NR5A2: variants seen among roughly 807,000 people sequenced by gnomAD.
NR5A2 encodes nuclear receptor subfamily 5 group A member 2, also known as CYP7A promoter-binding factor.
A neutral mutation model predicts 62.7 loss-of-function variants in NR5A2; 26 were observed. The observed-to-expected ratio is 0.41, with a 90% CI of 0.30 to 0.58. NR5A2 has a LOEUF of 0.58. Ranked by LOEUF, NR5A2 falls within the 20% of genes least tolerant of loss-of-function variation. The probability of loss-of-function intolerance (pLI) is 0.22; values close to 1 mark genes in which losing one functional copy is unlikely to be tolerated. For synonymous variants in NR5A2, 246 were observed against 241.7 expected, an observed-to-expected ratio of 1.02 and a Z score of -0.16; for missense variants, 541 against 669.1, an observed-to-expected ratio of 0.81 and a Z score of 2.11.
intron 5 of NR5A2, among the ~76,000 whole-genome samples, chr1:200,049,865 T>C (rs760243685): frequency 1.2e-4 from 18 of 152,210 alleles, no homozygotes; most frequent in Non-Finnish European, 1.3e-4. Flanking sequence ...TGTAAGTAGA[T>C]GGTCTGGGGA....
At chr1:200,064,973 T>A (rs1663401061) in intron 5 of NR5A2, among the ~76,000 whole-genome samples, 1 of 152,074 alleles carries the variant, frequency 6.6e-6, no homozygotes, top group Non-Finnish European at 1.5e-5. Flanking sequence ...ATTGTAGATA[T>A]GGGGCCTAGC....
intron 7 of NR5A2, among the ~76,000 whole-genome samples, chr1:200,141,197 T>C (rs1397109330): frequency 6.6e-6 from 1 of 152,180 alleles, no homozygotes; most frequent in Non-Finnish European, 1.5e-5. Context: ...AGGTTCATGT[T>C]ACTACCAACA....
intron 5 of NR5A2, among the ~76,000 whole-genome samples, chr1:200,066,803 A>G (rs2821389): frequency 0.35 from 53,451 of 151,492 alleles, 10,866 homozygotes; most frequent in African/African-American, 0.57. Context: ...GGTCAGGGTG[A>G]TCTCGAACTT....
At chr1:200,112,461 TC>T (rs1206426054) in intron 6 of NR5A2, among the ~76,000 whole-genome samples, 1 of 152,236 alleles carries the variant, frequency 6.6e-6, no homozygotes, top group African/African-American at 2.4e-5. Context: ...GGCACCATGA[TC>T]TTTTATGTTC....
chr1:200,158,296 G>T (rs1302674840), intron 7 of NR5A2, among the ~76,000 whole-genome samples: 1 of 152,200 alleles, frequency 6.6e-6, no homozygotes, highest in African/African-American at 2.4e-5. Flanking sequence ...TTGTGTGTCT[G>T]TCTCAGAAAG....
intron 7 of NR5A2, among the ~76,000 whole-genome samples, chr1:200,130,447 A>G (rs1320419581): frequency 6.6e-6 from 1 of 152,216 alleles, no homozygotes; most frequent in Non-Finnish European, 1.5e-5. Context: ...CATTTGCTAT[A>G]TGGCAAATCT....
intron 5 of NR5A2, among the ~76,000 whole-genome samples, chr1:200,060,865 A>G (rs1663170622): frequency 6.8e-6 from 1 of 146,534 alleles, no homozygotes; most frequent in Non-Finnish European, 1.5e-5. Flanking sequence ...ACACTTTGGG[A>G]GGCCAAGGCA....
intron 5 of NR5A2, among the ~76,000 whole-genome samples, chr1:200,052,384 C>G (rs1057090281): frequency 2.6e-5 from 4 of 152,166 alleles, no homozygotes; most frequent in African/African-American, 9.7e-5. Context: ...AGGGGTCTCA[C>G]TCTGCTGCCC....
At chr1:200,102,828 T>C (rs1436636209) in intron 5 of NR5A2, among the ~76,000 whole-genome samples, 1 of 152,194 alleles carries the variant, frequency 6.6e-6, no homozygotes, top group East Asian at 1.9e-4. Context: ...TACATGAATA[T>C]AGGAATGATA....
At chr1:200,073,612 A>G (rs1663856702) in intron 5 of NR5A2, among the ~76,000 whole-genome samples, 1 of 152,044 alleles carries the variant, frequency 6.6e-6, no homozygotes, top group African/African-American at 2.4e-5. Flanking sequence ...TGTTTTCCCC[A>G]AATACTTTTG....
chr1:200,035,702 G>A (rs1661745391), intron 1 of NR5A2, among the ~76,000 whole-genome samples: 1 of 152,148 alleles, frequency 6.6e-6, no homozygotes, highest in African/African-American at 2.4e-5. Flanking sequence ...TCAAGGCTGC[G>A]GGAGCCTCCC....
chr1:200,129,783 A>T (rs1042012529), intron 7 of NR5A2, among the ~76,000 whole-genome samples: 9 of 152,198 alleles, frequency 5.9e-5, no homozygotes, highest in Non-Finnish European at 1.0e-4. Flanking sequence ...GTTTTGCAGG[A>T]TCACCTGATG....
intron 7 of NR5A2, among the ~76,000 whole-genome samples, chr1:200,136,994 G>C (rs1340836635): frequency 6.6e-6 from 1 of 151,810 alleles, no homozygotes; most frequent in African/African-American, 2.4e-5. Context: ...TTTTGAGACA[G>C]AGCCTCACTC....
At chr1:200,137,793 A>T (rs67061097) in intron 7 of NR5A2, among the ~76,000 whole-genome samples, 3,221 of 152,098 alleles carry the variant, frequency 0.021, 61 homozygotes, top group Admixed American at 0.039. Flanking sequence ...AATTTTTTTT[A>T]AAAAAAGTTT....
At chr1:200,155,602 C>A (rs1653338506) in intron 7 of NR5A2, among the ~76,000 whole-genome samples, 1 of 152,194 alleles carries the variant, frequency 6.6e-6, no homozygotes, top group African/African-American at 2.4e-5. Context: ...TATTTTGGAA[C>A]TTACAAAGCT....
intron 7 of NR5A2, among the ~76,000 whole-genome samples, chr1:200,144,263 A>ACC (rs2102350666): frequency 6.6e-6 from 1 of 151,552 alleles, no homozygotes; most frequent in South Asian, 2.1e-4. Context: ...ACACACACAC[A>ACC]CACACACAGA....
intron 6 of NR5A2, 79 bp downstream of exon 6, chr1:200,111,400 A>G: frequency 1.3e-6 from 2 of 1,489,774 alleles, no homozygotes; most frequent in Non-Finnish European, 1.8e-6. Flanking sequence ...TAACTAGGTC[A>G]GAAGCACTCT....
intron 5 of NR5A2, among the ~76,000 whole-genome samples, chr1:200,086,406 C>G (rs945319882): frequency 6.6e-6 from 1 of 152,010 alleles, no homozygotes; most frequent in Non-Finnish European, 1.5e-5. Context: ...TGGGTTCAAG[C>G]TATTCTCCTG....
Position 200,039,932 on chromosome 1 carries a change from C to A in NR5A2, c.202+137C>A, listed in dbSNP as rs1661988071. 1.1e-6 allele frequency: 1 copy of A among 919,746 alleles called. No individual in the cohort carries two copies. Among genetic ancestry groups the A allele is most frequent in the Non-Finnish European group, 1.5e-6 (1 of 647,928 alleles). The allele number at this position is 919,746 out of a possible 1,614,324, so 57.0% of individuals were successfully genotyped here. A position where few individuals can be genotyped will look rare whatever the true frequency, so the allele number is the denominator to read the frequency against. The stretch of plus-strand genomic sequence containing the variant: ...GCTCGCAGCCGCGGGAGTCAAGCCC[C>A]CTCCCCAGGTGCAGGCATAAAAGTT... On this transcript the variant is annotated intron_variant, in intron 2 of 7. Transcript: ENST00000367362. The surrounding 1 kb of genome is among the most constrained non-coding windows in gnomAD (Gnocchi z 5.1).
Sources: gnomAD v4.1 joint callset for allele counts (sites outside exome capture counted in the v4.1 genomes callset) on GRCh38, gnomAD v4.1.1 for gene constraint, Gnocchi (gnomAD v3.1) non-coding constraint, MANE v1.5 for transcripts, NCBI Gene and HGNC (gene_info 2026-07-23, HGNC 2026-07-21) for gene names.